The following ZBTB20 variants were observed in gnomAD, a reference collection of about 807,000 sequenced individuals.
The protein encoded by ZBTB20 is zinc finger and BTB domain containing 20.
In ZBTB20, 9 loss-of-function variants were observed where a neutral mutation model predicts 56.9. That is an observed-to-expected ratio of 0.16 (90% confidence interval 0.10 to 0.28). ZBTB20 has a LOEUF of 0.28. Among genes scored for constraint, ZBTB20 ranks in the 10% least tolerant of loss-of-function variants. ZBTB20 has a pLI of 1.00. For missense variants in ZBTB20, 655 were observed against 1,003.0 expected, an observed-to-expected ratio of 0.65 and a Z score of 4.69; for synonymous variants, 417 against 420.7, an observed-to-expected ratio of 0.99 and a Z score of 0.11.
intron 5 of ZBTB20, among the ~76,000 whole-genome samples, chr3:114,712,678 A>C (rs113629969): frequency 0.013 from 2,016 of 151,772 alleles, 48 homozygotes; most frequent in African/African-American, 0.045. Flanking sequence ...AAAAGAGTTC[A>C]GTTTGTTCAC....
At chr3:114,784,792 T>C (rs2108784773) in intron 5 of ZBTB20, among the ~76,000 whole-genome samples, 1 of 152,306 alleles carries the variant, frequency 6.6e-6, no homozygotes, top group Middle Eastern at 3.4e-3. Context: ...TTTAAGAAAA[T>C]GAGACTGGAT....
chr3:114,356,384 G>A (rs1316396199), intron 10 of ZBTB20, among the ~76,000 whole-genome samples: 1 of 152,144 alleles, frequency 6.6e-6, no homozygotes, highest in Middle Eastern at 3.2e-3. Context: ...CTTTTAATTA[G>A]GTGTGAAATC....
intron 11 of ZBTB20, among the ~76,000 whole-genome samples, chr3:114,346,432 T>C (rs1195240227): frequency 1.4e-5 from 2 of 147,604 alleles, no homozygotes; most frequent in African/African-American, 2.7e-5. Context: ...ATCATTTTTA[T>C]TTTAAACTCA....
intron 2 of ZBTB20, among the ~76,000 whole-genome samples, chr3:115,029,632 G>A (rs2080580400): frequency 6.6e-6 from 1 of 150,756 alleles, no homozygotes; most frequent in Admixed American, 6.6e-5. Context: ...TTTTAAATCA[G>A]TGGGAAAAAC....
At chr3:114,680,511 C>T (rs1050279103) in intron 6 of ZBTB20, among the ~76,000 whole-genome samples, 1 of 152,210 alleles carries the variant, frequency 6.6e-6, no homozygotes, top group Non-Finnish European at 1.5e-5. Flanking sequence ...CATTGATATA[C>T]TTGGCCAAGT....
intron 2 of ZBTB20, among the ~76,000 whole-genome samples, chr3:115,069,386 T>A (rs549885472): frequency 4.6e-5 from 7 of 152,116 alleles, no homozygotes; most frequent in Non-Finnish European, 7.4e-5. Flanking sequence ...GTTGGCTAGA[T>A]CTAGGTTCAG....
chr3:114,584,090 T>C (rs2054926416), intron 6 of ZBTB20, among the ~76,000 whole-genome samples: 1 of 152,200 alleles, frequency 6.6e-6, no homozygotes, highest in Admixed American at 6.5e-5. Flanking sequence ...TAATTTATCA[T>C]GAGGTGTTTT....
At position 114,626,918 on chromosome 3, in the gene ZBTB20, C is replaced by T. The variant is rs184980545; in HGVS notation, c.-295+66610G>A. Among the ~76,000 whole-genome samples, 22 of 152,312 alleles carry T rather than the reference C, an allele frequency of 1.4e-4. No individual in the cohort carries two copies. The East Asian group carries it at 3.1e-3, about 21-fold the overall frequency. On this transcript the variant is annotated intron_variant, in intron 6 of 11. Coordinates refer to ENST00000675478, the MANE Select transcript of ZBTB20 (RefSeq NM_001348800.3). The stretch of plus-strand genomic sequence containing the variant: ...GAATGCTGACACCCAGCAGTGATTA[C>T]TGTGTAACACAATTCCGGATGTGCT...
chr3:115,123,368 C>T (rs1182391069), intron 1 of ZBTB20, among the ~76,000 whole-genome samples: 1 of 152,040 alleles, frequency 6.6e-6, no homozygotes, highest in Admixed American at 6.6e-5. Context: ...ATTACTAAAA[C>T]AATTATTTAC....
chr3:115,082,390 G>T (rs766164594), intron 1 of ZBTB20, among the ~76,000 whole-genome samples: 4 of 152,162 alleles, frequency 2.6e-5, no homozygotes, highest in Non-Finnish European at 4.4e-5. Context: ...ACAGTCGTGA[G>T]TGTGCGCGTG....
chr3:114,633,917 C>T (rs2059110945), intron 6 of ZBTB20, among the ~76,000 whole-genome samples: 1 of 152,112 alleles, frequency 6.6e-6, no homozygotes, highest in Non-Finnish European at 1.5e-5. Flanking sequence ...ACATAAGGAA[C>T]TAGGATGTGT....
At chr3:114,623,876 T>C (rs1183460603) in intron 6 of ZBTB20, among the ~76,000 whole-genome samples, 1 of 151,900 alleles carries the variant, frequency 6.6e-6, no homozygotes, top group African/African-American at 2.4e-5. Context: ...TCGGTGGCAG[T>C]ATGAAACCTA....
At chr3:114,834,764 T>C (rs1184546558) in intron 4 of ZBTB20, among the ~76,000 whole-genome samples, 1 of 151,868 alleles carries the variant, frequency 6.6e-6, no homozygotes, top group East Asian at 1.9e-4. Context: ...ATGGCAAGAG[T>C]CCCGTTCTTT....
intron 6 of ZBTB20, among the ~76,000 whole-genome samples, chr3:114,523,437 G>A (rs1254932850): frequency 6.6e-6 from 1 of 152,146 alleles, no homozygotes; most frequent in Non-Finnish European, 1.5e-5. Context: ...GGAGCTGCTA[G>A]GGAGTATGGT....
At chr3:114,583,372 G>A (rs2054851381) in intron 6 of ZBTB20, among the ~76,000 whole-genome samples, 1 of 152,116 alleles carries the variant, frequency 6.6e-6, no homozygotes, top group Non-Finnish European at 1.5e-5. Flanking sequence ...AAGATCAATG[G>A]ACTTTTTTCT....
chr3:114,772,369 T>G (rs571073418), intron 5 of ZBTB20, among the ~76,000 whole-genome samples: 11 of 151,886 alleles, frequency 7.2e-5, no homozygotes, highest in Non-Finnish European at 1.3e-4. Context: ...AAAAATAAAT[T>G]AGTAATCTCA....
At chr3:114,548,266 C>T (rs1009827904) in intron 6 of ZBTB20, among the ~76,000 whole-genome samples, 2 of 152,146 alleles carry the variant, frequency 1.3e-5, no homozygotes, top group Non-Finnish European at 2.9e-5. Flanking sequence ...GAACAAAGCA[C>T]CATGTAGATA....
rs775548925 is a variant in ZBTB20, at chr3:114,351,705, C to T, written c.373G>A (p.Gly125Ser). ...AGTTTGTCCTGGAAGAAGGGGCTGC[C>T]GGCTGCCAGCACGCAGCGGTGTGCG... is the stretch of plus-strand genomic sequence containing the variant. The part of the protein sequence containing the change: ...LRAHRCVLAA[G>S]SPFFQDKLLL... The change falls in exon 11 of 12, where the codon GGC (glycine) becomes AGC (serine). Residue 125 changes from glycine to serine, a missense_variant. Around this residue, in one of 10 missense-constraint regions of ZBTB20, gnomAD observed 57 missense variants for 99.1 expected, o/e 0.58. Transcript: ENST00000675478. 1.2e-6 allele frequency: 2 copies of T among 1,614,022 alleles called. No individual in the cohort carries two copies. Among genetic ancestry groups the T allele is most frequent in the South Asian group, 1.1e-5 (1 of 91,082 alleles).
At chr3:114,375,684 G>A (rs1048791887) in intron 10 of ZBTB20, 2 of 152,176 alleles carry the variant, frequency 1.3e-5, no homozygotes, top group Non-Finnish European at 2.9e-5. Context: ...TTTCTGGCTC[G>A]TTATCAGGGA....
Sources: gnomAD v4.1 joint callset for allele counts (sites outside exome capture counted in the v4.1 genomes callset) on GRCh38, gnomAD v4.1.1 for gene constraint, gnomAD v4.1.1 regional missense constraint, MANE v1.5 for transcripts, NCBI Gene and HGNC (gene_info 2026-07-23, HGNC 2026-07-21) for gene names.